The following AGAP1 variants were observed in gnomAD, a reference collection of about 807,000 sequenced individuals.
AGAP1 encodes the protein ArfGAP with GTPase domain, ankyrin repeat and PH domain 1.
A neutral mutation model predicts 105.3 loss-of-function variants in AGAP1; 29 were observed. The observed-to-expected ratio is 0.28, with a 90% CI of 0.21 to 0.38. The LOEUF (loss-of-function observed/expected upper bound fraction) is 0.38. Among genes scored for constraint, AGAP1 ranks in the 10% least tolerant of loss-of-function variants. The probability of loss-of-function intolerance (pLI) is 1.00; values close to 1 mark genes in which losing one functional copy is unlikely to be tolerated. For synonymous variants in AGAP1, 509 were observed against 485.9 expected, an observed-to-expected ratio of 1.05 and a Z score of -0.63; for missense variants, 998 against 1,165.1, an observed-to-expected ratio of 0.86 and a Z score of 2.09.
At position 235,717,690 on chromosome 2, in the gene AGAP1, T is replaced by G. The variant is rs199817083; in HGVS notation, c.310+46T>G. On this transcript the variant is annotated intron_variant, in intron 3 of 17. Coordinates refer to ENST00000304032, the MANE Select transcript of AGAP1 (RefSeq NM_001037131.3). ...TTGCAAACTTAAGAATGTAGTTTTT[T>G]AAAATTTTTCCTTAGCATATTATAA... The G allele has an allele frequency of 1.3e-5, 20 of 1,529,236 alleles. No individual in the cohort carries two copies. In the East Asian group the frequency reaches 4.6e-4, roughly 35 times the overall value. The allele number at this position is 1,529,236 out of a possible 1,614,324, so 94.7% of individuals were successfully genotyped here.
At chr2:235,511,842 ATGAG>A (rs1222513284) in intron 1 of AGAP1, among the ~76,000 whole-genome samples, 3 of 148,440 alleles carry the variant, frequency 2.0e-5, no homozygotes, top group East Asian at 2.0e-4. Context: ...GTGTGAATGT[ATGAG>A]TGTGGATGTG....
At position 236,101,214 on chromosome 2, in the gene AGAP1, G is replaced by A. The variant is rs1167364659; in HGVS notation, c.2115-18978G>A. Among the ~76,000 whole-genome samples the A allele has an allele frequency of 2.0e-5, 3 of 151,954 alleles. No homozygotes were observed. The highest frequency in any genetic ancestry group is 2.9e-5 in the Non-Finnish European group (2 of 68,026). On this transcript the variant is annotated intron_variant, in intron 16 of 17. Coordinates refer to ENST00000304032, the MANE Select transcript of AGAP1 (RefSeq NM_001037131.3). This position sits in a 1 kb window ranked among gnomAD's most constrained non-coding sequence, Gnocchi z 4.9. ...TTGGTACTGTTTGTTTTTGGCTGTTGGAACTGTTGTGATCCCCCACCACAA... is the reference window on the plus strand; with the variant it reads ...TTGGTACTGTTTGTTTTTGGCTGTTAGAACTGTTGTGATCCCCCACCACAA...
intron 7 of AGAP1, among the ~76,000 whole-genome samples, chr2:235,798,842 G>A (rs1290286727): frequency 1.4e-5 from 2 of 139,004 alleles, no homozygotes; most frequent in African/African-American, 5.5e-5. Context: ...CTGCATTCCA[G>A]CCTGGGTGAC....
intron 16 of AGAP1, chr2:236,049,671 AT>A (rs1175486779): frequency 8.5e-5 from 13 of 153,280 alleles, no homozygotes; most frequent in Non-Finnish European, 1.7e-4. Flanking sequence ...TGCTCTGTCG[AT>A]CCCCCCCCCG....
chr2:235,653,188 G>A (rs1050501716), intron 1 of AGAP1, among the ~76,000 whole-genome samples: 4 of 152,086 alleles, frequency 2.6e-5, no homozygotes, highest in Non-Finnish European at 5.9e-5. Flanking sequence ...CATTCCGGCC[G>A]GGCGCAGTGG....
At position 235,863,309 on chromosome 2, in the gene AGAP1, G is replaced by A. The variant is rs529103752; in HGVS notation, c.1051-20036G>A. 5.3e-5 allele frequency among the ~76,000 whole-genome samples: 8 copies of A among 152,338 alleles called. No homozygotes were observed. In the East Asian group the frequency reaches 1.3e-3, roughly 26 times the overall value. On this transcript the variant is annotated intron_variant, in intron 9 of 17. Coordinates refer to ENST00000304032, the MANE Select transcript of AGAP1 (RefSeq NM_001037131.3). ...TGCAGGGGCAGGTACATGAGAAAAA[G>A]TAAGAAGAAATAAGTGAATCTGAAG... is the stretch of plus-strand genomic sequence containing the variant.
chr2:235,593,254 A>T (rs1945411865), intron 1 of AGAP1, among the ~76,000 whole-genome samples: 1 of 152,148 alleles, frequency 6.6e-6, no homozygotes, highest in Admixed American at 6.5e-5. Flanking sequence ...TAACAAGTGG[A>T]TTGGGTAAAT....
At chr2:235,892,536 T>G (rs2050592365) in intron 10 of AGAP1, among the ~76,000 whole-genome samples, 1 of 151,548 alleles carries the variant, frequency 6.6e-6, no homozygotes, top group Non-Finnish European at 1.5e-5. Flanking sequence ...CAAAAAGATC[T>G]GTGATGATTC....
intron 6 of AGAP1, among the ~76,000 whole-genome samples, chr2:235,782,697 C>CGG (rs1225591901): frequency 2.0e-5 from 3 of 152,140 alleles, no homozygotes; most frequent in Admixed American, 1.3e-4. Flanking sequence ...AGTGGGAGAA[C>CGG]GCTGAAGCCC....
chr2:235,694,255 G>A (rs373253788), intron 1 of AGAP1, among the ~76,000 whole-genome samples: 1 of 149,000 alleles, frequency 6.7e-6, no homozygotes, highest in East Asian at 1.9e-4. Flanking sequence ...CGAGGCGGGC[G>A]GATCATGGGG....
chr2:235,586,162 C>T lies in AGAP1; in HGVS notation c.163+91313C>T, dbSNP rs890944212. 4.6e-5 allele frequency among the ~76,000 whole-genome samples: 7 copies of T among 152,142 alleles called. No homozygotes were observed. Among genetic ancestry groups the T allele is most frequent in the African/African-American group, 1.4e-4 (6 of 41,432 alleles). On this transcript the variant is annotated intron_variant, in intron 1 of 17. Transcript: ENST00000304032. The surrounding 1 kb of genome is among the most constrained non-coding windows in gnomAD (Gnocchi z 4.2). ...AAGGATTTAGGTCGGCCATTGTCTC[C>T]GTGTAAGTCAACACTACCTTGTGTG...
chr2:235,531,110 C>G (rs894615556), intron 1 of AGAP1, among the ~76,000 whole-genome samples: 1 of 152,152 alleles, frequency 6.6e-6, no homozygotes, highest in Admixed American at 6.5e-5. Context: ...TGCACGTGTC[C>G]GCAAATCTAG....
intron 9 of AGAP1, among the ~76,000 whole-genome samples, chr2:235,859,324 TGG>T (rs1160581589): frequency 6.7e-6 from 1 of 148,772 alleles, no homozygotes; most frequent in African/African-American, 2.5e-5. Context: ...ACTGTTGTTG[TGG>T]GGAAATGGCC....
rs181242326 is a variant in AGAP1, at chr2:235,994,150, T to C, written c.1645+25527T>C. Among the ~76,000 whole-genome samples, 1 of 152,322 alleles carries C rather than the reference T, an allele frequency of 6.6e-6. No homozygotes were observed. Among genetic ancestry groups the C allele is most frequent in the African/African-American group, 2.4e-5 (1 of 41,566 alleles). On this transcript the variant is annotated intron_variant, in intron 13 of 17. Transcript: ENST00000304032. This position sits in a 1 kb window ranked among gnomAD's most constrained non-coding sequence, Gnocchi z 4.4. ...GCACTCTTTCTGTATTCCCCAAAGC[T>C]TCATAACATGGTTCCATATGTGTCC...
At chr2:235,726,479 T>A (rs184336436) in intron 3 of AGAP1, among the ~76,000 whole-genome samples, 7 of 152,362 alleles carry the variant, frequency 4.6e-5, no homozygotes, top group Admixed American at 1.3e-4. Context: ...CCCAAAAGTG[T>A]TCTGAGGCTG....
chr2:235,882,461 GGCGATTCCCC>G lies in AGAP1; in HGVS notation c.1051-883_1051-874del. On this transcript the variant is annotated intron_variant, in intron 9 of 17. Transcript: ENST00000304032. This position sits in a 1 kb window ranked among gnomAD's most constrained non-coding sequence, Gnocchi z 4.6. The stretch of plus-strand genomic sequence containing the variant: ...TCTTCAGCTTGGCCCTATTGAAGCT[GGCGATTCCCC>G]CCACGTCTGGTTTGTCTGCCATTTT... 1 of 1,581,040 alleles carries G rather than the reference GGCGATTCCCC, an allele frequency of 6.3e-7. No homozygotes were observed. The highest frequency in any genetic ancestry group is 8.7e-7 in the Non-Finnish European group (1 of 1,154,058).
intron 13 of AGAP1, among the ~76,000 whole-genome samples, chr2:235,975,295 G>A (rs1287361381): frequency 6.6e-6 from 1 of 152,106 alleles, no homozygotes; most frequent in Non-Finnish European, 1.5e-5. Context: ...TGTCTTGGAA[G>A]GCACTTTGGA....
Position 235,692,542 on chromosome 2 carries a change from C to T in AGAP1, c.164-16637C>T, listed in dbSNP as rs971451114. Among the ~76,000 whole-genome samples, 1 of 152,154 alleles carries T rather than the reference C, an allele frequency of 6.6e-6. No homozygotes were observed. The highest frequency in any genetic ancestry group is 6.5e-5 in the Admixed American group (1 of 15,278). ...GCCCCAGCATCAAACCATACTTCGC[C>T]CTGCTGCCCCTATGCTCTCCCCCCT... On this transcript the variant is annotated intron_variant, in intron 1 of 17. Transcript: ENST00000304032. This position sits in a 1 kb window ranked among gnomAD's most constrained non-coding sequence, Gnocchi z 5.8.
chr2:235,665,159 G>GT lies in AGAP1; in HGVS notation c.164-44019dup, dbSNP rs527445838. Among the ~76,000 whole-genome samples, 195 of 152,340 alleles carry GT rather than the reference G, an allele frequency of 1.3e-3. 1 individual carries two copies. Among genetic ancestry groups the GT allele is most frequent in the African/African-American group, 4.7e-3 (194 of 41,580 alleles). On this transcript the variant is annotated intron_variant, in intron 1 of 17. Transcript: ENST00000304032. The surrounding 1 kb of genome is among the most constrained non-coding windows in gnomAD (Gnocchi z 5.3). ...TTGAGCCCAGGAGTTCAAGGCTGTA[G>GT]TGAGCTATGATCTTGCCACTGCACT... is the stretch of plus-strand genomic sequence containing the variant.
Sources: allele counts gnomAD v4.1 joint callset (sites outside exome capture counted in the v4.1 genomes callset), GRCh38; gene constraint gnomAD v4.1.1; non-coding constraint Gnocchi (gnomAD v3.1); transcripts MANE v1.5; gene names NCBI Gene and HGNC (gene_info 2026-07-23, HGNC 2026-07-21).